ZNF880: variants seen among roughly 807,000 people sequenced by gnomAD.
ZNF880 encodes the protein zinc finger protein 880, also known as zinc finger protein LOC400713.
A neutral mutation model predicts 11.8 loss-of-function variants in ZNF880; 12 were observed. The ratio of observed to expected loss-of-function variants is 1.02; its 90% CI spans 0.65 to 1.65. The LOEUF (loss-of-function observed/expected upper bound fraction) is 1.65, where lower values mean the gene tolerates loss of function less well. Ranked by LOEUF, ZNF880 falls within the 40% of genes most tolerant of loss-of-function variation. ZNF880 has a pLI of 0.00. For missense variants in ZNF880, 601 were observed against 673.9 expected, an observed-to-expected ratio of 0.89 and a Z score of 1.20; for synonymous variants, 210 against 232.4, an observed-to-expected ratio of 0.90 and a Z score of 0.88.
At position 52,384,804 on chromosome 19, in the gene ZNF880, C is replaced by G; in HGVS notation, c.1224C>G (p.Tyr408Ter). ...HHRMHTGEQP[Y>*]KCNECGKAFR... ...GAATGCACACGGGAGAGCAACCTTA[C>G]AAATGTAATGAATGTGGCAAAGCAT... The change falls in exon 4 of 4, where the codon TAC becomes TAG. Residue 408 changes from tyrosine to a stop codon, truncating the protein, a stop_gained. Coordinates refer to ENST00000422689, the MANE Select transcript of ZNF880 (RefSeq NM_001145434.2). LOFTEE classifies it low-confidence loss of function (END_TRUNC). The G allele has an allele frequency of 6.2e-7, 1 of 1,611,610 alleles. No individual in the cohort carries two copies.
At chr19:52,381,181 C>A (rs1986696064) in intron 3 of ZNF880, among the ~76,000 whole-genome samples, 1 of 148,946 alleles carries the variant, frequency 6.7e-6, no homozygotes, top group Admixed American at 6.7e-5. Flanking sequence ...AACTCTTAGG[C>A]TCTAGTAATC....
At position 52,384,393 on chromosome 19, in the gene ZNF880, T is replaced by C. The variant is rs750464077; in HGVS notation, c.813T>C (p.His271=). Reference sequence around the variant, plus strand: ...CTGGAGAGAAACCTTACAAATGTCATGAGTGTGGCAAAGTCTTCACTCAAA... The same window carrying C: ...CTGGAGAGAAACCTTACAAATGTCACGAGTGTGGCAAAGTCTTCACTCAAA... ...IHTGEKPYKC[H]ECGKVFTQNS... is the part of the protein sequence containing the mutation. The change falls in exon 4 of 4, where the codon CAT becomes CAC. Residue 271 remains histidine (H), a synonymous_variant. Transcript: ENST00000422689. 6.8e-6 allele frequency: 11 copies of C among 1,613,800 alleles called. No homozygotes were observed. The South Asian group carries it at 8.8e-5, about 13-fold the overall frequency.
chr19:52,387,196 A>T (rs1280239344), downstream of ZNF880, among the ~76,000 whole-genome samples: 12 of 144,410 alleles, frequency 8.3e-5, 1 homozygote, highest in African/African-American at 3.2e-4. Flanking sequence ...AGGTTGACGC[A>T]TCCAGAACAA....
intron 2 of ZNF880, 104 bp from the exon 3 acceptor site, chr19:52,374,195 C>T: frequency 9.5e-7 from 1 of 1,052,864 alleles, no homozygotes; most frequent in Non-Finnish European, 1.3e-6. Flanking sequence ...CAGGCACCCG[C>T]CACCACGCCC....
In ZNF880 at chr19:52,373,060, TCTC is replaced by T. The variant is rs1986434997; in HGVS notation, c.13-47_13-45del. 1.5e-5 allele frequency: 24 copies of T among 1,600,728 alleles called. No homozygotes were observed. In the Admixed American group the frequency reaches 3.7e-4, roughly 25 times the overall value. Reference sequence around the variant, plus strand: ...TCAATCAAGTCAGTCCTTACAACTGTCTCCTCATTTTGTGTGATATCCTGTTGG... The same window carrying T: ...TCAATCAAGTCAGTCCTTACAACTGTCTCATTTTGTGTGATATCCTGTTGG... On this transcript the variant is annotated intron_variant, in intron 1 of 3. Coordinates refer to ENST00000422689, the MANE Select transcript of ZNF880 (RefSeq NM_001145434.2).
chr19:52,392,331 C>T, the ZNF880 span, among the ~76,000 whole-genome samples: 6 of 152,050 alleles, frequency 3.9e-5, no homozygotes, highest in African/African-American at 9.7e-5. Context: ...GACGGAGCCT[C>T]GCTCTGTCAC....
chr19:52,373,817 C>T (rs369733202), intron 2 of ZNF880, among the ~76,000 whole-genome samples: 12 of 151,656 alleles, frequency 7.9e-5, no homozygotes, highest in South Asian at 2.1e-4. Context: ...ACTACAGGCA[C>T]GTGCCACCAC....
upstream of ZNF880, among the ~76,000 whole-genome samples, chr19:52,369,139 G>A (rs190759426): frequency 6.6e-6 from 1 of 151,506 alleles, no homozygotes; most frequent in East Asian, 1.9e-4. Context: ...AAGGCAGGCG[G>A]ATCACGAGGT....
chr19:52,393,341 G>T, the ZNF880 span, among the ~76,000 whole-genome samples: 1 of 151,972 alleles, frequency 6.6e-6, no homozygotes, highest in Non-Finnish European at 1.5e-5. Flanking sequence ...CCAAAGGGCT[G>T]GGATTACAGG....
chr19:52,388,281 A>AATTTTTTTTTTTTTTTT (rs1298446341), downstream of ZNF880, among the ~76,000 whole-genome samples: 1 of 38,902 alleles, frequency 2.6e-5, no homozygotes, highest in African/African-American at 1.8e-4. Flanking sequence ...GGCAATTTGA[A>AATTTTTTTTTTTTTTTT]CTTTTTTTTT....
downstream of ZNF880, among the ~76,000 whole-genome samples, chr19:52,387,834 CTT>C (rs11479315): frequency 6.8e-5 from 8 of 118,496 alleles, no homozygotes; most frequent in African/African-American, 2.3e-4. Flanking sequence ...TAGTGCATGT[CTT>C]TTTTTTTTTT....
chr19:52,373,038 A>G (rs774861415), intron 1 of ZNF880, 73 bp from the exon 2 acceptor site: 7 of 1,533,898 alleles, frequency 4.6e-6, no homozygotes, highest in Admixed American at 1.7e-5. Flanking sequence ...ATCCACTTCA[A>G]TCAAGTCAGT....
At chr19:52,376,511 T>C (rs906428021) in intron 3 of ZNF880, among the ~76,000 whole-genome samples, 2 of 114,912 alleles carry the variant, frequency 1.7e-5, no homozygotes, top group Admixed American at 8.9e-5. Flanking sequence ...CCCCCCCCCT[T>C]TTTTTTTTTT....
At chr19:52,375,902 G>C (rs1174568476) in intron 3 of ZNF880, among the ~76,000 whole-genome samples, 1 of 152,158 alleles carries the variant, frequency 6.6e-6, no homozygotes, top group African/African-American at 2.4e-5. Context: ...TTGAACTCCT[G>C]GCCTCAACTA....
chr19:52,383,836 CT>C lies in ZNF880; in HGVS notation c.269-10del. 1 of 1,509,218 alleles carries C rather than the reference CT, an allele frequency of 6.6e-7. No homozygotes were observed. Among genetic ancestry groups the C allele is most frequent in the Non-Finnish European group, 8.8e-7 (1 of 1,131,356 alleles). The allele number at this position is 1,509,218 out of a possible 1,614,324, so 93.5% of individuals were successfully genotyped here. On this transcript the variant is annotated splice_polypyrimidine_tract_variant and intron_variant, in intron 3 of 3. Coordinates refer to ENST00000422689, the MANE Select transcript of ZNF880 (RefSeq NM_001145434.2). ...TCATGGGTTGAAGTTCCACTTTTTT[CT>C]TTCTTTTTTAGAGAGCAGCTCTAAA...
chr19:52,369,795 G>A (rs1986299928), upstream of ZNF880: 3 of 710,844 alleles, frequency 4.2e-6, no homozygotes, highest in African/African-American at 3.6e-5. Context: ...AGATAGCTGA[G>A]TTCTTCCAGT....
At chr19:52,387,893 A>ATT, downstream of ZNF880, among the ~76,000 whole-genome samples, 1 of 108,230 alleles carries the variant, frequency 9.2e-6, no homozygotes, top group Admixed American at 9.8e-5. Flanking sequence ...ATGTTCATAA[A>ATT]TTTTCTTTTT....
chr19:52,393,102 T>C, the ZNF880 span, among the ~76,000 whole-genome samples: 1 of 150,652 alleles, frequency 6.6e-6, no homozygotes, highest in Non-Finnish European at 1.5e-5. Flanking sequence ...AGACAGAGTC[T>C]CACTCTGTTG....
rs1986857595 is a variant in ZNF880 at position 52,385,489 on chromosome 19, G to A, written c.*175G>A. On this transcript the variant is annotated 3_prime_UTR_variant, in exon 4 of 4. Coordinates refer to ENST00000422689, the MANE Select transcript of ZNF880 (RefSeq NM_001145434.2). ...AAATCATAGCAATGTATGTGAATCA[G>A]GTCTCTTGAGGCCTGCCAAATGACT... 8.2e-6 allele frequency: 6 copies of A among 728,230 alleles called. No individual in the cohort carries two copies. The East Asian group carries it at 1.6e-4, about 20-fold the overall frequency. 45.1% of individuals were successfully genotyped at this position (728,230 alleles called of 1,614,324 possible).
Sources: gnomAD v4.1 joint callset for allele counts (sites outside exome capture counted in the v4.1 genomes callset) on GRCh38, gnomAD v4.1.1 for gene constraint, MANE v1.5 for transcripts, NCBI Gene and HGNC (gene_info 2026-07-23, HGNC 2026-07-21) for gene names.